Variants in GSE1 observed in about 807,000 individuals in gnomAD.
GSE1 encodes genetic suppressor element 1.
In GSE1, 32 loss-of-function variants were observed where a neutral mutation model predicts 112.6. The ratio of observed to expected loss-of-function variants is 0.28; its 90% CI spans 0.21 to 0.38. GSE1 has a LOEUF of 0.38. Among genes scored for constraint, GSE1 ranks in the 10% least tolerant of loss-of-function variants. GSE1 has a pLI of 1.00. For missense variants in GSE1, 2,348 were observed against 1,699.2 expected (o/e 1.38, Z -6.71); for synonymous variants, 1,115 against 735.6 (o/e 1.52, Z -8.35).
At chr16:85,271,096 C>T (rs1443113970) in intron 1 of GSE1, among the ~76,000 whole-genome samples, 1 of 152,186 alleles carries the variant, frequency 6.6e-6, no homozygotes, top group Admixed American at 6.5e-5. Flanking sequence ...TCAGGGAGGC[C>T]AGAAGTACCG....
chr16:85,362,211 C>T (rs1056037289), intron 2 of GSE1, among the ~76,000 whole-genome samples: 3 of 152,240 alleles, frequency 2.0e-5, no homozygotes, highest in Non-Finnish European at 4.4e-5. Flanking sequence ...TGATGGATGT[C>T]CTTCCCTCGT....
At chr16:85,185,109 T>C (rs2074672469) in intron 1 of GSE1, 1 of 152,284 alleles carries the variant, frequency 6.6e-6, no homozygotes, top group African/African-American at 2.4e-5. Context: ...GTGGTTGTTT[T>C]GTCTTTCAGA....
chr16:85,600,966 A>C (rs1226715892), intron 1 of GSE1, among the ~76,000 whole-genome samples: 1 of 151,876 alleles, frequency 6.6e-6, no homozygotes, highest in African/African-American at 2.4e-5. Flanking sequence ...ATGCCAAAGC[A>C]ACCCCTCGGT....
intron 1 of GSE1, among the ~76,000 whole-genome samples, chr16:85,219,873 G>A (rs2075362974): frequency 6.6e-6 from 1 of 152,244 alleles, no homozygotes; most frequent in Admixed American, 6.5e-5. Flanking sequence ...CTGGGCCAGG[G>A]AAGGCAGGCT....
chr16:85,272,285 C>T (rs934297532), intron 1 of GSE1, among the ~76,000 whole-genome samples: 4 of 152,248 alleles, frequency 2.6e-5, no homozygotes, highest in East Asian at 3.8e-4. Flanking sequence ...TGGGACGATC[C>T]GTTTTTCCAT....
chr16:85,612,246 C>CGGGGCGGGGCGGGGTG (rs1567647670), upstream of GSE1, among the ~76,000 whole-genome samples: 3 of 94,574 alleles, frequency 3.2e-5, no homozygotes, highest in African/African-American at 1.6e-4. Context: ...GGGGTGGGGG[C>CGGGGCGGGGCGGGGTG]GGGGCGGGGC....
chr16:85,331,126 T>A (rs2046331111), intron 1 of GSE1, among the ~76,000 whole-genome samples: 1 of 151,602 alleles, frequency 6.6e-6, no homozygotes, highest in South Asian at 2.1e-4. Context: ...TTTTTATTGT[T>A]ATTATTTATT....
At chr16:85,203,022 G>A (rs911851822) in intron 1 of GSE1, among the ~76,000 whole-genome samples, 2 of 145,374 alleles carry the variant, frequency 1.4e-5, no homozygotes, top group African/African-American at 2.6e-5. Flanking sequence ...CAGAACATCT[G>A]TGTGTTCCTG....
intron 2 of GSE1, chr16:85,490,772 G>A (rs2050986289): frequency 6.6e-6 from 1 of 152,202 alleles, no homozygotes; most frequent in African/African-American, 2.4e-5. Flanking sequence ...GGGCCTGCCG[G>A]GCAATTGATT....
chr16:85,197,425 T>A (rs1005806483), intron 1 of GSE1, among the ~76,000 whole-genome samples: 6 of 152,238 alleles, frequency 3.9e-5, no homozygotes, highest in Admixed American at 2.0e-4. Context: ...GGTTTTTTGC[T>A]TACAGCGTCT....
chr16:85,628,475 G>T (rs2049263203), intron 1 of GSE1, among the ~76,000 whole-genome samples: 1 of 152,158 alleles, frequency 6.6e-6, no homozygotes, highest in African/African-American at 2.4e-5. Flanking sequence ...CAGTGGGCTG[G>T]TGATAGTGAC....
chr16:85,208,824 GGTTCGTCTGTGTTGGC>G, intron 1 of GSE1, among the ~76,000 whole-genome samples: 2 of 107,536 alleles, frequency 1.9e-5, no homozygotes, highest in South Asian at 2.8e-4. Flanking sequence ...CACGTGTTGG[GGTTCGTCTGTGTTGGC>G]GTTCGCCTGT....
At chr16:85,259,773 C>G (rs1907476232) in intron 1 of GSE1, among the ~76,000 whole-genome samples, 1 of 152,230 alleles carries the variant, frequency 6.6e-6, no homozygotes, top group Admixed American at 6.5e-5. Context: ...GTACTGGGAC[C>G]CCCCACCCCT....
At chr16:85,399,533 C>G (rs1473966141) in intron 2 of GSE1, among the ~76,000 whole-genome samples, 1 of 152,224 alleles carries the variant, frequency 6.6e-6, no homozygotes, top group Non-Finnish European at 1.5e-5. Flanking sequence ...TCCTTGCGGG[C>G]TTTCAGAAGC....
chr16:85,450,117 C>CTTTTTTTTTTTT (rs59854597), intron 2 of GSE1, among the ~76,000 whole-genome samples: 3 of 79,498 alleles, frequency 3.8e-5, no homozygotes, highest in African/African-American at 5.5e-5. Flanking sequence ...AGGCAGCTGA[C>CTTTTTTTTTTTT]TTTTTTTTTT....
rs1178453116 is a variant in GSE1 at position 85,654,396 on chromosome 16, C to T, written c.545C>T (p.Pro182Leu). The T allele has an allele frequency of 7.5e-6, 12 of 1,603,388 alleles. No individual in the cohort carries two copies. Among genetic ancestry groups the T allele is most frequent in the South Asian group, 1.1e-5 (1 of 89,958 alleles). ...TCGCACCTGCTCAGCACCCCCTACCCCTTCGGCCTCTCCCCCAGCTCAGTT... is the reference window on the plus strand; with the variant it reads ...TCGCACCTGCTCAGCACCCCCTACCTCTTCGGCCTCTCCCCCAGCTCAGTT... ...IPSHLLSTPY[P>L]FGLSPSSVVQ... The change falls in exon 4 of 16, where the codon CCC becomes CTC. Residue 182 changes from proline to leucine, a missense_variant. Pro to Leu is a moderately conservative substitution (Grantham distance 98, BLOSUM62 -3). Coordinates refer to ENST00000253458, the MANE Select transcript of GSE1 (RefSeq NM_014615.5).
intron 1 of GSE1, among the ~76,000 whole-genome samples, chr16:85,195,668 C>T (rs544995449): frequency 6.6e-6 from 1 of 152,280 alleles, no homozygotes; most frequent in East Asian, 1.9e-4. Context: ...TGAGGATGAC[C>T]ACTGCAGCGT....
chr16:85,366,996 G>A (rs2047198530), intron 2 of GSE1, among the ~76,000 whole-genome samples: 1 of 152,128 alleles, frequency 6.6e-6, no homozygotes. Context: ...ACAGAGCCGT[G>A]TCACCAGGCA....
At chr16:85,572,076 AC>A (rs950353101) in intron 1 of GSE1, among the ~76,000 whole-genome samples, 13 of 147,690 alleles carry the variant, frequency 8.8e-5, no homozygotes, top group South Asian at 6.4e-4. Flanking sequence ...ACACAACCAC[AC>A]CCCCCCACAC....
Sources: allele counts gnomAD v4.1 joint callset (sites outside exome capture counted in the v4.1 genomes callset), GRCh38; gene constraint gnomAD v4.1.1; transcripts MANE v1.5; gene names NCBI Gene and HGNC (gene_info 2026-07-23, HGNC 2026-07-21).